SH2D4B: variants seen among roughly 807,000 people sequenced by gnomAD.
SH2D4B encodes SH2 domain containing 4B, also known as SH2 domain-containing protein 4B.
In SH2D4B, 45 loss-of-function variants were observed where a neutral mutation model predicts 61.5. The observed-to-expected ratio is 0.73, with a 90% CI of 0.58 to 0.94. The LOEUF is 0.94. SH2D4B is among the 40% of genes least tolerant of loss of function. The probability of loss-of-function intolerance (pLI) is 0.00; values close to 1 mark genes in which losing one functional copy is unlikely to be tolerated. For missense variants in SH2D4B, 572 were observed against 574.2 expected (o/e 1.00, Z 0.04); for synonymous variants, 224 against 220.4 (o/e 1.02, Z -0.14).
At chr10:80,554,981 C>A (rs1002532698) in intron 1 of SH2D4B, among the ~76,000 whole-genome samples, 3 of 138,520 alleles carry the variant, frequency 2.2e-5, no homozygotes, top group Admixed American at 1.6e-4. Flanking sequence ...TGCACTCCAG[C>A]CTGGGCGACA....
intron 4 of SH2D4B, among the ~76,000 whole-genome samples, chr10:80,602,612 AG>A (rs1458371175): frequency 6.6e-6 from 1 of 152,130 alleles, no homozygotes; most frequent in East Asian, 1.9e-4. Flanking sequence ...CCAGCTCTCA[AG>A]GTCATGGGAA....
chr10:80,550,101 G>A (rs1409314692), intron 1 of SH2D4B, among the ~76,000 whole-genome samples: 1 of 152,138 alleles, frequency 6.6e-6, no homozygotes, highest in East Asian at 1.9e-4. Flanking sequence ...GGGGTCCCTG[G>A]AAGCTAAGGA....
At chr10:80,559,878 C>T (rs1841881870) in intron 1 of SH2D4B, among the ~76,000 whole-genome samples, 1 of 151,686 alleles carries the variant, frequency 6.6e-6, no homozygotes, top group African/African-American at 2.4e-5. Context: ...CTCAAGTGAT[C>T]CTCCCACCTT....
At chr10:80,636,871 T>C (rs1190732680) in intron 7 of SH2D4B, among the ~76,000 whole-genome samples, 5 of 152,238 alleles carry the variant, frequency 3.3e-5, no homozygotes, top group African/African-American at 1.2e-4. Context: ...CCCATGCCTA[T>C]GTCCTGAATG....
chr10:80,545,511 C>G (rs1264227641), intron 1 of SH2D4B, among the ~76,000 whole-genome samples: 2 of 151,952 alleles, frequency 1.3e-5, no homozygotes, highest in East Asian at 1.9e-4. Flanking sequence ...TCTTCTTCCT[C>G]TCCTCCTTTC....
At chr10:80,606,409 C>T (rs1456910951) in intron 5 of SH2D4B, among the ~76,000 whole-genome samples, 1 of 151,798 alleles carries the variant, frequency 6.6e-6, no homozygotes, top group Non-Finnish European at 1.5e-5. Context: ...AGTGGTGGTC[C>T]GATCCTGGCT....
intron 1 of SH2D4B, among the ~76,000 whole-genome samples, chr10:80,546,020 TTC>T (rs1215315643): frequency 6.9e-6 from 1 of 144,700 alleles, no homozygotes; most frequent in Admixed American, 6.8e-5. Context: ...CTTTCTTTCT[TTC>T]TCTTTCTTTC....
At chr10:80,577,433 T>G (rs1180608826) in intron 3 of SH2D4B, among the ~76,000 whole-genome samples, 1 of 151,662 alleles carries the variant, frequency 6.6e-6, no homozygotes, top group Non-Finnish European at 1.5e-5. Flanking sequence ...ATTTTCTGTT[T>G]TTTTTTTTTT....
Position 80,538,487 on chromosome 10 carries a change from G to A in SH2D4B, c.156G>A (p.Glu52=), listed in dbSNP as rs1322441623. 6.9e-7 allele frequency: 1 copy of A among 1,441,494 alleles called. No individual in the cohort carries two copies. The highest frequency in any genetic ancestry group is 3.1e-5 in the Admixed American group (1 of 32,220). The allele number at this position is 1,441,494 out of a possible 1,614,324, so 89.3% of individuals were successfully genotyped here. The change falls in exon 1 of 8, where the codon GAG becomes GAA. Residue 52 remains glutamate (E), a synonymous_variant. Coordinates refer to ENST00000646907, the MANE Select transcript of SH2D4B (RefSeq NM_001388272.1). The surrounding 1 kb of genome is among the most constrained non-coding windows in gnomAD (Gnocchi z 4.8). ...CTTGGGAGGCCCTGGCCCAGGACGA[G>A]GGTCTCAGGCCTCCAAAGACCAAGC... ...RETWEALAQD[E]GLRPPKTKRA...
chr10:80,623,997 T>G (rs1252131621), intron 6 of SH2D4B, among the ~76,000 whole-genome samples: 2 of 152,172 alleles, frequency 1.3e-5, no homozygotes, highest in Admixed American at 1.3e-4. Context: ...GTGTACTTTA[T>G]TTAACGACGG....
chr10:80,632,054 C>T (rs1294087394), intron 6 of SH2D4B, among the ~76,000 whole-genome samples: 7 of 152,086 alleles, frequency 4.6e-5, no homozygotes, highest in Non-Finnish European at 1.0e-4. Flanking sequence ...CCTCTTGCCT[C>T]GGCCTCCCAA....
chr10:80,604,281 G>T (rs548089820), intron 5 of SH2D4B, among the ~76,000 whole-genome samples: 1 of 152,162 alleles, frequency 6.6e-6, no homozygotes, highest in Non-Finnish European at 1.5e-5. Flanking sequence ...GGTTGCAGGC[G>T]GGTCCTCACA....
intron 1 of SH2D4B, among the ~76,000 whole-genome samples, chr10:80,555,411 A>G (rs1285300532): frequency 6.6e-6 from 1 of 152,192 alleles, no homozygotes; most frequent in Non-Finnish European, 1.5e-5. Flanking sequence ...TCTGCAGACC[A>G]GGTTCCAATG....
rs548496442 is a variant in SH2D4B, at chr10:80,569,603, G to T, written c.185-551G>T. The stretch of plus-strand genomic sequence containing the variant: ...ACTATGGACATCTGGGTGGCAGCGA[G>T]GGTAAAGTTCTTTGTCCTTGGTCAG... On this transcript the variant is annotated intron_variant, in intron 1 of 7. Transcript: ENST00000646907. Among the ~76,000 whole-genome samples, 11 of 152,014 alleles carry T rather than the reference G, an allele frequency of 7.2e-5. No homozygotes were observed. In the South Asian group the frequency reaches 2.3e-3, roughly 32 times the overall value.
intron 6 of SH2D4B, among the ~76,000 whole-genome samples, chr10:80,621,129 G>A (rs1842714510): frequency 6.6e-6 from 1 of 152,208 alleles, no homozygotes; most frequent in South Asian, 2.1e-4. Context: ...CATGTAAGTG[G>A]TTCTCAACAG....
intron 6 of SH2D4B, among the ~76,000 whole-genome samples, chr10:80,616,057 A>G (rs1842656380): frequency 6.6e-6 from 1 of 152,166 alleles, no homozygotes; most frequent in African/African-American, 2.4e-5. Flanking sequence ...CTCAGAAATA[A>G]AGAAAAAGAC....
chr10:80,552,832 T>C (rs766831365), intron 1 of SH2D4B, among the ~76,000 whole-genome samples: 1 of 152,218 alleles, frequency 6.6e-6, no homozygotes, highest in Non-Finnish European at 1.5e-5. Flanking sequence ...CCATGTCGTG[T>C]TAGAATTACA....
intron 6 of SH2D4B, among the ~76,000 whole-genome samples, chr10:80,627,247 A>G (rs1254860386): frequency 6.6e-6 from 1 of 152,140 alleles, no homozygotes; most frequent in Non-Finnish European, 1.5e-5. Flanking sequence ...CTGAACCGTA[A>G]TCCTTCAATC....
At chr10:80,554,941 G>C (rs1468392716) in intron 1 of SH2D4B, among the ~76,000 whole-genome samples, 1 of 149,934 alleles carries the variant, frequency 6.7e-6, no homozygotes, top group Admixed American at 6.7e-5. Flanking sequence ...CCCAGGAGGC[G>C]GAGGTTGCAG....
Sources: allele counts gnomAD v4.1 joint callset (sites outside exome capture counted in the v4.1 genomes callset), GRCh38; gene constraint gnomAD v4.1.1; non-coding constraint Gnocchi (gnomAD v3.1); transcripts MANE v1.5; gene names NCBI Gene and HGNC (gene_info 2026-07-23, HGNC 2026-07-21).